Variants in HOOK3 observed in about 807,000 individuals in gnomAD.
HOOK3 encodes protein Hook homolog 3.
In HOOK3, 24 loss-of-function variants were observed where a neutral mutation model predicts 116.3. The ratio of observed to expected loss-of-function variants is 0.21; its 90% CI spans 0.15 to 0.29. HOOK3 has a LOEUF of 0.29. HOOK3 is among the 10% of genes least tolerant of loss of function. The pLI is 1.00. For missense variants in HOOK3, 632 were observed against 830.2 expected (o/e 0.76, Z 2.93); for synonymous variants, 275 against 283.0 (o/e 0.97, Z 0.28).
chr8:43,007,297 C>T (rs748711085), intron 17 of HOOK3, among the ~76,000 whole-genome samples: 2 of 152,158 alleles, frequency 1.3e-5, no homozygotes, highest in Non-Finnish European at 2.9e-5. Flanking sequence ...TGACCCGGAT[C>T]GGTTCTTCAT....
rs561626698 is a variant in HOOK3, at chr8:43,011,150, A to G, written c.1839+745A>G. ...TAGGACTACAGGCGCCTGCCACCAC[A>G]CTCGGCTAATTTTTTGTATTTTTTA... On this transcript the variant is annotated intron_variant, in intron 19 of 21. Transcript: ENST00000307602. 6.2e-4 allele frequency among the ~76,000 whole-genome samples: 94 copies of G among 151,456 alleles called. 1 individual carries two copies. In the South Asian group the frequency reaches 0.014, roughly 22 times the overall value.
rs1201617584 is a variant in HOOK3 at position 42,968,206 on chromosome 8, A to G, written c.1114A>G (p.Lys372Glu). 6.2e-7 allele frequency: 1 copy of G among 1,611,200 alleles called. No individual in the cohort carries two copies. Residue 372 changes from lysine (K) to glutamate (E), a missense_variant, in exon 11 of 22, where the codon AAG becomes GAG. Around this residue, in one of 3 missense-constraint regions of HOOK3, gnomAD observed 483 missense variants for 648.1 expected, o/e 0.75. Transcript: ENST00000307602. Reference protein sequence around the residue: ...NAARSQLETYKRQVVELQNRL... With the variant: ...NAARSQLETYERQVVELQNRL... Reference sequence around the variant, plus strand: ...AGCGCGAAGTCAACTTGAAACCTACAAGAGACAGGTAAAAGAAACACAGCA... The same window carrying G: ...AGCGCGAAGTCAACTTGAAACCTACGAGAGACAGGTAAAAGAAACACAGCA...
intron 15 of HOOK3, among the ~76,000 whole-genome samples, chr8:42,994,808 T>C (rs1285799920): frequency 2.0e-5 from 3 of 152,264 alleles, no homozygotes; most frequent in Non-Finnish European, 4.4e-5. Flanking sequence ...TGAGAGAATT[T>C]AGCTGTTTTT....
At chr8:42,905,957 C>T (rs985291895) in intron 1 of HOOK3, among the ~76,000 whole-genome samples, 1 of 151,838 alleles carries the variant, frequency 6.6e-6, no homozygotes, top group South Asian at 2.1e-4. Context: ...CGTGGTAGTG[C>T]GTTCCTGTAA....
At position 42,997,830 on chromosome 8, in the gene HOOK3, G is replaced by C. The variant is rs553548720; in HGVS notation, c.1620+193G>C. 4 of 480,404 alleles carry C rather than the reference G, an allele frequency of 8.3e-6. No homozygotes were observed. The East Asian group carries it at 1.2e-4, about 15-fold the overall frequency. 29.8% of individuals were successfully genotyped at this position (480,404 alleles called of 1,614,324 possible). A position where few individuals can be genotyped will look rare whatever the true frequency, so the allele number is the denominator to read the frequency against. On this transcript the variant is annotated intron_variant, in intron 16 of 21. Coordinates refer to ENST00000307602, the MANE Select transcript of HOOK3 (RefSeq NM_032410.4). ...AGTACTTTATTGTCTCTTCAGATTC[G>C]CTCTGCTGGGAATTAGAAGTTCATT...
intron 15 of HOOK3, chr8:42,994,392 C>T (rs552536978): frequency 5.2e-6 from 2 of 386,150 alleles, no homozygotes; most frequent in East Asian, 9.1e-5. Flanking sequence ...TCAGTGGCAT[C>T]GTTAGGTTGT....
intron 4 of HOOK3, 55 bp downstream of exon 4, chr8:42,930,227 T>A: frequency 7.2e-7 from 1 of 1,390,640 alleles, no homozygotes. Context: ...TAGTTTAATT[T>A]TATAATAGTT....
chr8:43,001,914 A>T (rs527929383), intron 16 of HOOK3, among the ~76,000 whole-genome samples, 193 bp from the exon 17 acceptor site: 1 of 152,302 alleles, frequency 6.6e-6, no homozygotes, highest in South Asian at 2.1e-4. Flanking sequence ...ACTGATTGTC[A>T]TCCCTTAGGG....
rs1809937431 is a variant in HOOK3, at chr8:43,026,619, T to C, written c.*8121T>C. 4.6e-6 allele frequency: 1 copy of C among 219,460 alleles called. No individual in the cohort carries two copies. The highest frequency in any genetic ancestry group is 9.1e-6 in the Non-Finnish European group (1 of 109,436). The allele number at this position is 219,460 out of a possible 1,614,324, so 13.6% of individuals were successfully genotyped here. A position where few individuals can be genotyped will look rare whatever the true frequency, so the allele number is the denominator to read the frequency against. ...CATAAAAATTATCCCATCTTACAGTTAATCAGAAGATGTTCTTACCTTTGG... is the reference window on the plus strand; with the variant it reads ...CATAAAAATTATCCCATCTTACAGTCAATCAGAAGATGTTCTTACCTTTGG... On this transcript the variant is annotated 3_prime_UTR_variant, in exon 22 of 22. Coordinates refer to ENST00000307602, the MANE Select transcript of HOOK3 (RefSeq NM_032410.4).
intron 6 of HOOK3, among the ~76,000 whole-genome samples, chr8:42,951,304 C>T (rs999975565): frequency 2.4e-4 from 36 of 149,142 alleles, no homozygotes; most frequent in African/African-American, 6.9e-4. Context: ...TCAGGTGATC[C>T]GCCCTCCCCA....
Position 42,908,195 on chromosome 8 carries a change from T to C in HOOK3, c.143+1937T>C, listed in dbSNP as rs539354037. 2.0e-4 allele frequency among the ~76,000 whole-genome samples: 31 copies of C among 152,350 alleles called. No individual in the cohort carries two copies. In the South Asian group the frequency reaches 3.7e-3, roughly 18 times the overall value. On this transcript the variant is annotated intron_variant, in intron 2 of 21. Transcript: ENST00000307602. ...AGTCTGCAATAAAGGAAAGATACTCTGTATTCATAGATTAGAAGAAGAATT... is the reference window on the plus strand; with the variant it reads ...AGTCTGCAATAAAGGAAAGATACTCCGTATTCATAGATTAGAAGAAGAATT...
At chr8:42,958,678 T>A (rs1285429276) in intron 7 of HOOK3, among the ~76,000 whole-genome samples, 4 of 150,394 alleles carry the variant, frequency 2.7e-5, no homozygotes, top group African/African-American at 9.8e-5. Flanking sequence ...ACATGTGCCA[T>A]GGTGGTTTGC....
At chr8:42,953,923 T>C (rs1808388569) in intron 6 of HOOK3, among the ~76,000 whole-genome samples, 1 of 152,190 alleles carries the variant, frequency 6.6e-6, no homozygotes, top group Non-Finnish European at 1.5e-5. Context: ...GCAGAGCCCA[T>C]ACCTACAACC....
chr8:42,920,071 T>C (rs1414229052), intron 2 of HOOK3, among the ~76,000 whole-genome samples: 1 of 152,168 alleles, frequency 6.6e-6, no homozygotes, highest in African/African-American at 2.4e-5. Context: ...ACAAAAGTTA[T>C]AAACAAGTAA....
In HOOK3 at chr8:43,030,507, C is replaced by G. The variant is rs1448384590; in HGVS notation, c.*12009C>G. On this transcript the variant is annotated 3_prime_UTR_variant, in exon 22 of 22. Transcript: ENST00000307602. ...CTGCAAAAAGTGTACAGTTGTTAAA[C>G]AAGTTGTAAATAAAGACTTGTATAA... is the stretch of plus-strand genomic sequence containing the variant. The G allele has an allele frequency of 5.8e-6, 1 of 173,740 alleles. No individual in the cohort carries two copies. Among genetic ancestry groups the G allele is most frequent in the Non-Finnish European group, 1.2e-5 (1 of 80,376 alleles). 10.8% of individuals were successfully genotyped at this position (173,740 alleles called of 1,614,324 possible).
intron 3 of HOOK3, among the ~76,000 whole-genome samples, chr8:42,927,640 T>C (rs1270154046): frequency 6.6e-6 from 1 of 152,102 alleles, no homozygotes; most frequent in Non-Finnish European, 1.5e-5. Flanking sequence ...AGGGTCTCAC[T>C]CTCACCCAGG....
At position 43,002,099 on chromosome 8, in the gene HOOK3, AT is replaced by A; in HGVS notation, c.1621-3del. On this transcript the variant is annotated splice_polypyrimidine_tract_variant and splice_region_variant and intron_variant, in intron 16 of 21. Transcript: ENST00000307602. Reference sequence around the variant, plus strand: ...AGGTAATAAACTAATTTTGTTTTTCATTTTTAGTCAGTCCTTCTAAAAAAGA... The same window carrying A: ...AGGTAATAAACTAATTTTGTTTTTCATTTTAGTCAGTCCTTCTAAAAAAGA... The A allele has an allele frequency of 6.4e-7, 1 of 1,559,706 alleles. No homozygotes were observed. The highest frequency in any genetic ancestry group is 1.4e-5 in the African/African-American group (1 of 73,846).
At chr8:42,958,363 A>G (rs1330408392) in intron 7 of HOOK3, among the ~76,000 whole-genome samples, 1 of 152,108 alleles carries the variant, frequency 6.6e-6, no homozygotes, top group Non-Finnish European at 1.5e-5. Flanking sequence ...ATGAAGAGAC[A>G]ATAAAATTTT....
intron 2 of HOOK3, among the ~76,000 whole-genome samples, chr8:42,919,338 C>T (rs1807602065): frequency 6.7e-6 from 1 of 148,894 alleles, no homozygotes; most frequent in African/African-American, 2.5e-5. Flanking sequence ...TCCTCAGATC[C>T]CAGACGGGGT....
Sources: allele counts gnomAD v4.1 joint callset (sites outside exome capture counted in the v4.1 genomes callset), GRCh38; gene constraint gnomAD v4.1.1; regional missense constraint gnomAD v4.1.1; transcripts MANE v1.5; gene names NCBI Gene and HGNC (gene_info 2026-07-23, HGNC 2026-07-21).